FRMD5: variants seen among roughly 807,000 people sequenced by gnomAD.
FRMD5 encodes the protein FERM domain-containing protein 5.
A neutral mutation model predicts 69.0 loss-of-function variants in FRMD5; 20 were observed. The observed-to-expected ratio is 0.29, with a 90% confidence interval of 0.20 to 0.42. The LOEUF (loss-of-function observed/expected upper bound fraction) is 0.42. FRMD5 is among the 10% of genes least tolerant of loss of function. The pLI is 1.00. For missense variants in FRMD5, 595 were observed against 708.6 expected (o/e 0.84, Z 1.82); for synonymous variants, 271 against 260.1 (o/e 1.04, Z -0.40).
At chr15:44,062,234 T>C (rs1373510082) in intron 1 of FRMD5, among the ~76,000 whole-genome samples, 6 of 152,218 alleles carry the variant, frequency 3.9e-5, no homozygotes, top group Non-Finnish European at 8.8e-5. Flanking sequence ...AGTTCATGTT[T>C]ATAAAAATTT....
intron 2 of FRMD5, among the ~76,000 whole-genome samples, chr15:43,921,676 G>T (rs1271275331): frequency 6.6e-6 from 1 of 152,206 alleles, no homozygotes; most frequent in African/African-American, 2.4e-5. Flanking sequence ...GGGATTAAAA[G>T]AAGAGGAAAA....
At chr15:43,972,701 T>C (rs562327160) in intron 1 of FRMD5, among the ~76,000 whole-genome samples, 2 of 152,312 alleles carry the variant, frequency 1.3e-5, no homozygotes, top group African/African-American at 2.4e-5. Context: ...TTTTCTAGCC[T>C]CCACGTGCAT....
chr15:44,026,051 C>T (rs982577609), intron 1 of FRMD5, among the ~76,000 whole-genome samples: 1 of 152,210 alleles, frequency 6.6e-6, no homozygotes, highest in African/African-American at 2.4e-5. Context: ...CATCTCAGCT[C>T]TCTGCAACAT....
intron 1 of FRMD5, among the ~76,000 whole-genome samples, chr15:44,150,753 T>C (rs1333843193): frequency 6.6e-6 from 1 of 151,880 alleles, no homozygotes; most frequent in Non-Finnish European, 1.5e-5. Flanking sequence ...ATCACACCAC[T>C]GTACTTTAGC....
At chr15:44,095,577 T>C (rs1419484979) in intron 1 of FRMD5, among the ~76,000 whole-genome samples, 1 of 152,154 alleles carries the variant, frequency 6.6e-6, no homozygotes, top group African/African-American at 2.4e-5. Flanking sequence ...AGAGCCCCTG[T>C]CAGATGTTGC....
chr15:43,884,596 T>C (rs2140356738), intron 12 of FRMD5, 131 bp downstream of exon 12: 1 of 686,934 alleles, frequency 1.5e-6, no homozygotes, highest in East Asian at 2.7e-5. Flanking sequence ...GAGAAGTTTC[T>C]TCAGCCTTCT....
intron 12 of FRMD5, 133 bp downstream of exon 12, chr15:43,884,594 T>C (rs1000028443): frequency 8.9e-6 from 6 of 670,856 alleles, no homozygotes; most frequent in Admixed American, 2.8e-5. Flanking sequence ...CTGAGAAGTT[T>C]CTTCAGCCTT....
chr15:43,949,432 G>T (rs1259839192), intron 1 of FRMD5, among the ~76,000 whole-genome samples: 1 of 152,126 alleles, frequency 6.6e-6, no homozygotes, highest in Non-Finnish European at 1.5e-5. Flanking sequence ...CTACTAAACT[G>T]TGAGCTCCCT....
chr15:44,140,010 A>T (rs944433669), intron 1 of FRMD5, among the ~76,000 whole-genome samples: 1 of 151,912 alleles, frequency 6.6e-6, no homozygotes, highest in Admixed American at 6.6e-5. Context: ...ATATACATAT[A>T]TACACATAAA....
intron 1 of FRMD5, among the ~76,000 whole-genome samples, chr15:44,052,474 A>G (rs1892709416): frequency 1.3e-5 from 2 of 152,278 alleles, no homozygotes; most frequent in African/African-American, 2.4e-5. Flanking sequence ...CGAATCTAAG[A>G]GCCAAGTGCA....
At chr15:44,167,722 T>C (rs1400673131) in intron 1 of FRMD5, among the ~76,000 whole-genome samples, 1 of 152,202 alleles carries the variant, frequency 6.6e-6, no homozygotes, top group Non-Finnish European at 1.5e-5. Context: ...CCCAAGTAGC[T>C]GGGATTACAG....
upstream of FRMD5, among the ~76,000 whole-genome samples, chr15:44,197,678 C>CAAAAAAAAA (rs5812271): frequency 2.1e-4 from 18 of 84,530 alleles, no homozygotes; most frequent in East Asian, 3.3e-4. Context: ...GACTCCATCT[C>CAAAAAAAAA]AAAAAAAAAA....
intron 1 of FRMD5, among the ~76,000 whole-genome samples, chr15:44,184,687 G>A (rs1440232984): frequency 1.3e-5 from 2 of 152,100 alleles, no homozygotes; most frequent in Non-Finnish European, 2.9e-5. Flanking sequence ...ATAAAGCAAA[G>A]GAGATAATAA....
intron 1 of FRMD5, among the ~76,000 whole-genome samples, chr15:44,084,932 T>G (rs75782710): frequency 0.028 from 4,333 of 152,150 alleles, 174 homozygotes; most frequent in African/African-American, 0.089. Context: ...ATATACAATC[T>G]GGGGAAGCAA....
chr15:44,004,443 C>T (rs1890346719), intron 1 of FRMD5, among the ~76,000 whole-genome samples: 1 of 152,204 alleles, frequency 6.6e-6, no homozygotes, highest in Admixed American at 6.5e-5. Context: ...TCCAATAGCA[C>T]ATGCACACTT....
At chr15:44,120,209 C>T (rs867349149) in intron 1 of FRMD5, among the ~76,000 whole-genome samples, 2 of 152,012 alleles carry the variant, frequency 1.3e-5, no homozygotes, top group Non-Finnish European at 2.9e-5. Context: ...CAGGGGCATA[C>T]TGAGTTTTAG....
chr15:43,948,404 C>T (rs1322682575), intron 1 of FRMD5, among the ~76,000 whole-genome samples: 1 of 152,146 alleles, frequency 6.6e-6, no homozygotes, highest in Non-Finnish European at 1.5e-5. Flanking sequence ...AAGAAAAAAA[C>T]CTACCTGAAA....
At chr15:44,050,702 G>A (rs1309755568) in intron 1 of FRMD5, among the ~76,000 whole-genome samples, 1 of 151,266 alleles carries the variant, frequency 6.6e-6, no homozygotes, top group Non-Finnish European at 1.5e-5. Context: ...CTGTCGCCCA[G>A]GCTGGAGTGC....
chr15:44,072,526 C>T (rs896975479), intron 1 of FRMD5, among the ~76,000 whole-genome samples: 29 of 152,312 alleles, frequency 1.9e-4, no homozygotes, highest in African/African-American at 7.0e-4. Flanking sequence ...CTGTTACAGA[C>T]AATTTAACCA....
Sources: allele counts gnomAD v4.1 joint callset (sites outside exome capture counted in the v4.1 genomes callset), GRCh38; gene constraint gnomAD v4.1.1; transcripts MANE v1.5; gene names NCBI Gene and HGNC (gene_info 2026-07-23, HGNC 2026-07-21).